Variants in MBTPS1 observed in about 807,000 individuals in gnomAD.
The protein encoded by MBTPS1 is membrane bound transcription factor peptidase, site 1, also known as membrane-bound transcription factor site-1 protease.
A neutral mutation model predicts 127.8 loss-of-function variants in MBTPS1; 94 were observed. That is an observed-to-expected ratio of 0.74 (90% CI 0.62 to 0.87). The LOEUF (loss-of-function observed/expected upper bound fraction) is 0.87. Among genes scored for constraint, MBTPS1 ranks in the 40% least tolerant of loss-of-function variants. MBTPS1 has a pLI of 0.00. For missense variants in MBTPS1, 1,636 were observed against 1,353.2 expected, an observed-to-expected ratio of 1.21 and a Z score of -3.28; for synonymous variants, 632 against 509.4, an observed-to-expected ratio of 1.24 and a Z score of -3.24.
At position 84,085,112 on chromosome 16, in the gene MBTPS1, C is replaced by A; in HGVS notation, c.1157G>T (p.Arg386Leu). 6.2e-7 allele frequency: 1 copy of A among 1,614,178 alleles called. No individual in the cohort carries two copies. Among genetic ancestry groups the A allele is most frequent in the Non-Finnish European group, 8.5e-7 (1 of 1,180,020 alleles). Residue 386 changes from arginine (R) to leucine (L), a missense_variant, in exon 10 of 23, where the codon CGC becomes CTC. Arg to Leu is a moderately radical substitution (Grantham distance 102). Transcript: ENST00000343411. ...TTWELPGGYG[R>L]MKPDIVTYGA... The stretch of plus-strand genomic sequence containing the variant: ...ATAGGTGACAATGTCAGGTTTCATG[C>A]GACCGTAGCCTCCTGGTAGCTCCTA...
At chr16:84,091,902 T>C in intron 6 of MBTPS1, 54 bp from the exon 7 acceptor site, 1 of 1,016,712 alleles carries the variant, frequency 9.8e-7, no homozygotes, top group Non-Finnish European at 1.5e-6. Context: ...TTTAAAGTGC[T>C]AGGACAGTTT....
At position 84,063,286 on chromosome 16, in the gene MBTPS1, C is replaced by T. The variant is rs1443905342; in HGVS notation, c.2572+19G>A. The T allele has an allele frequency of 5.0e-6, 8 of 1,600,200 alleles. No homozygotes were observed. Among genetic ancestry groups the T allele is most frequent in the Non-Finnish European group, 6.8e-6 (8 of 1,169,366 alleles). The stretch of plus-strand genomic sequence containing the variant: ...GATCTGAGTGCCGAAGTCACAAAGT[C>T]CATCTGCGTTTTTCCTACCCTTCTG... On this transcript the variant is annotated intron_variant, in intron 19 of 22. Transcript: ENST00000343411.
At chr16:84,115,996 G>A (rs572263485) in intron 1 of MBTPS1, among the ~76,000 whole-genome samples, 1 of 151,776 alleles carries the variant, frequency 6.6e-6, no homozygotes, top group African/African-American at 2.4e-5. Flanking sequence ...CCTCCTTTTC[G>A]TAGACATACA....
chr16:84,065,615 G>A, intron 18 of MBTPS1, 75 bp downstream of exon 18: 1 of 933,610 alleles, frequency 1.1e-6, no homozygotes, highest in Admixed American at 1.7e-5. Flanking sequence ...ACAGAGATGA[G>A]AGACAGAGAG....
intron 22 of MBTPS1, among the ~76,000 whole-genome samples, chr16:84,054,955 G>A (rs945775661): frequency 1.3e-5 from 2 of 152,186 alleles, no homozygotes; most frequent in Non-Finnish European, 2.9e-5. Context: ...ACCGAAGGGA[G>A]GCCCAGAGGC....
chr16:84,075,854 AAAAAG>A (rs2085847994), intron 11 of MBTPS1, among the ~76,000 whole-genome samples: 1 of 152,240 alleles, frequency 6.6e-6, no homozygotes, highest in Non-Finnish European at 1.5e-5. Context: ...CCAAAAAAAG[AAAAAG>A]AAAAGGAAAT....
In MBTPS1 at chr16:84,067,705, A is replaced by G. The variant is rs1481608069; in HGVS notation, c.2190T>C (p.Ser730=). The change falls in exon 16 of 23, where the codon TCT becomes TCC. Residue 730 remains serine, a synonymous_variant. Coordinates refer to ENST00000343411, the MANE Select transcript of MBTPS1 (RefSeq NM_003791.4). ...LVIFSDWYNT[S]VMRKVKFYDE... ...CATAAAACTTCACTTTTCTCATAAC[A>G]GAAGTGTTGTACCAGTCACTGAAGA... 2 of 1,613,994 alleles carry G rather than the reference A, an allele frequency of 1.2e-6. No individual in the cohort carries two copies. The highest frequency in any genetic ancestry group is 1.3e-5 in the African/African-American group (1 of 75,044).
intron 10 of MBTPS1, 196 bp from the exon 11 acceptor site, chr16:84,082,104 C>T (rs1206116836): frequency 5.1e-6 from 2 of 392,266 alleles, no homozygotes; most frequent in Non-Finnish European, 9.0e-6. Context: ...CTGACCACTC[C>T]GCAACCTTCT....
chr16:84,092,991 G>A (rs1051012850), intron 6 of MBTPS1, among the ~76,000 whole-genome samples, 197 bp downstream of exon 6: 8 of 152,204 alleles, frequency 5.3e-5, no homozygotes, highest in African/African-American at 4.8e-5. Flanking sequence ...AACTTAGGTC[G>A]ACACAGTGGT....
chr16:84,096,638 T>A (rs2086183198), intron 3 of MBTPS1, among the ~76,000 whole-genome samples: 1 of 152,202 alleles, frequency 6.6e-6, no homozygotes, highest in Non-Finnish European at 1.5e-5. Context: ...ACAGTTCTCT[T>A]TCTAAAGCAA....
chr16:84,067,565 C>A (rs2085703894), intron 16 of MBTPS1, 102 bp downstream of exon 16: 1 of 966,244 alleles, frequency 1.0e-6, no homozygotes, highest in Non-Finnish European at 1.6e-6. Flanking sequence ...TCTGTGCCAA[C>A]TGGAAAGACC....
At chr16:84,095,834 C>T (rs1358099366) in intron 3 of MBTPS1, 29 bp from the exon 4 acceptor site, 2 of 1,594,380 alleles carry the variant, frequency 1.3e-6, no homozygotes, top group African/African-American at 1.3e-5. Context: ...AAGATCAGAA[C>T]AGAAGAGCAA....
intron 10 of MBTPS1, among the ~76,000 whole-genome samples, chr16:84,083,890 A>C (rs758045610): frequency 6.6e-6 from 1 of 152,204 alleles, no homozygotes; most frequent in Non-Finnish European, 1.5e-5. Flanking sequence ...GAGAGTAAAG[A>C]AACACGGGCC....
intron 19 of MBTPS1, among the ~76,000 whole-genome samples, chr16:84,062,293 G>T (rs2085624487): frequency 6.6e-6 from 1 of 152,086 alleles, no homozygotes. Flanking sequence ...GCTAATTTTT[G>T]TATTTTTAGT....
Position 84,066,708 on chromosome 16 carries a change from C to A in MBTPS1, c.2229-95G>T. ...TGTGACAAAACTCAATTTCTCCTGC[C>A]ACAATCCAGTCCTTCCACACTAAGG... is the stretch of plus-strand genomic sequence containing the variant. On this transcript the variant is annotated intron_variant, in intron 16 of 22. Coordinates refer to ENST00000343411, the MANE Select transcript of MBTPS1 (RefSeq NM_003791.4). The A allele has an allele frequency of 2.4e-6, 3 of 1,258,078 alleles. No individual in the cohort carries two copies. The South Asian group carries it at 4.3e-5, about 18-fold the overall frequency. The allele number at this position is 1,258,078 out of a possible 1,614,324, so 77.9% of individuals were successfully genotyped here.
At chr16:84,078,635 T>C (rs955785534) in intron 11 of MBTPS1, among the ~76,000 whole-genome samples, 1 of 152,146 alleles carries the variant, frequency 6.6e-6, no homozygotes, top group African/African-American at 2.4e-5. Flanking sequence ...AATTACAAAA[T>C]ACTGGAAACA....
At chr16:84,089,099 G>A (rs372346844) in intron 8 of MBTPS1, among the ~76,000 whole-genome samples, 3 of 152,256 alleles carry the variant, frequency 2.0e-5, no homozygotes, top group Non-Finnish European at 4.4e-5. Context: ...TGGGAATCCA[G>A]ACAGGTATGG....
chr16:84,079,309 T>C (rs1229591540), intron 11 of MBTPS1, among the ~76,000 whole-genome samples: 6 of 152,332 alleles, frequency 3.9e-5, no homozygotes, highest in Admixed American at 3.9e-4. Flanking sequence ...TATTTTTTTA[T>C]AGCAGTGCAA....
At chr16:84,110,849 T>G (rs1048550046) in intron 1 of MBTPS1, 2 of 152,192 alleles carry the variant, frequency 1.3e-5, no homozygotes, top group Non-Finnish European at 2.9e-5. Context: ...CCAAGAAGTA[T>G]GAATCTGGAA....
Sources: gnomAD v4.1 joint callset for allele counts (sites outside exome capture counted in the v4.1 genomes callset) on GRCh38, gnomAD v4.1.1 for gene constraint, MANE v1.5 for transcripts, NCBI Gene and HGNC (gene_info 2026-07-23, HGNC 2026-07-21) for gene names.